The following IL21R variants were observed in gnomAD, a reference collection of about 807,000 sequenced individuals.
IL21R encodes interleukin-21 receptor.
In IL21R, 14 loss-of-function variants were observed where a neutral mutation model predicts 41.3. The observed-to-expected ratio is 0.34, with a 90% confidence interval of 0.22 to 0.53. The LOEUF (loss-of-function observed/expected upper bound fraction) is 0.53, where lower values mean the gene tolerates loss of function less well. Ranked by LOEUF, IL21R falls within the 20% of genes least tolerant of loss-of-function variation. The pLI, the probability that IL21R is intolerant of heterozygous loss-of-function variation, is 0.94. For missense variants in IL21R, 588 were observed against 681.6 expected (o/e 0.86, Z 1.53); for synonymous variants, 286 against 287.6 (o/e 0.99, Z 0.05).
At position 27,449,252 on chromosome 16, in the gene IL21R, C is replaced by A. The variant is rs2087546960; in HGVS notation, c.1586C>A (p.Pro529Gln). The A allele has an allele frequency of 2.5e-6, 4 of 1,608,636 alleles. No homozygotes were observed. The highest frequency in any genetic ancestry group is 3.4e-6 in the Non-Finnish European group (4 of 1,177,756). ...YLRQWVVIPP[P>Q]LSSPGPQAS is the part of the protein sequence containing the mutation. ...CGCCAGTGGGTGGTCATTCCTCCGC[C>A]ACTTTCGAGCCCTGGACCCCAGGCC... is the stretch of plus-strand genomic sequence containing the variant. Residue 529 changes from proline to glutamine, a missense_variant, in exon 9 of 9, where the codon CCA (proline) becomes CAA (glutamine). Pro to Gln is a moderately conservative substitution (Grantham distance 76). Transcript: ENST00000337929.
intron 1 of IL21R, among the ~76,000 whole-genome samples, chr16:27,419,865 T>C (rs1342388434): frequency 6.6e-6 from 1 of 151,166 alleles, no homozygotes; most frequent in African/African-American, 2.4e-5. Flanking sequence ...AAGCATTATG[T>C]ACAATACATA....
rs1459768453 is a variant in IL21R, at chr16:27,451,479, A to G, written c.*2196A>G. The G allele has an allele frequency of 1.9e-5, 4 of 213,898 alleles. No individual in the cohort carries two copies. Among genetic ancestry groups the G allele is most frequent in the African/African-American group, 9.1e-5 (4 of 44,164 alleles). 13.3% of individuals were successfully genotyped at this position (213,898 alleles called of 1,614,324 possible). A position where few individuals can be genotyped will look rare whatever the true frequency, so the allele number is the denominator to read the frequency against. ...ATCTCAGCACTTTGGGAGGCCAAGG[A>G]AGGTGGATCACTTGAGGCCAGGAGT... On this transcript the variant is annotated 3_prime_UTR_variant, in exon 9 of 9. Coordinates refer to ENST00000337929, the MANE Select transcript of IL21R (RefSeq NM_181078.3).
intron 1 of IL21R, among the ~76,000 whole-genome samples, chr16:27,404,166 C>T (rs372522094): frequency 1.7e-4 from 26 of 152,306 alleles, no homozygotes; most frequent in African/African-American, 5.1e-4. Context: ...CTGCTCCCCA[C>T]CGTGGGCTCA....
intron 1 of IL21R, among the ~76,000 whole-genome samples, chr16:27,414,229 T>C (rs1176750160): frequency 1.4e-5 from 2 of 145,662 alleles, no homozygotes; most frequent in African/African-American, 5.0e-5. Flanking sequence ...TATTTCTGCT[T>C]TCCTGACAGG....
At chr16:27,442,501 C>G (rs899112165) in intron 4 of IL21R, among the ~76,000 whole-genome samples, 2 of 152,100 alleles carry the variant, frequency 1.3e-5, no homozygotes, top group African/African-American at 4.8e-5. Flanking sequence ...GTAGATGGGA[C>G]TACAGGCGCC....
At chr16:27,443,193 G>C in intron 5 of IL21R, 77 bp downstream of exon 5, 1 of 1,329,250 alleles carries the variant, frequency 7.5e-7, no homozygotes, top group Non-Finnish European at 1.0e-6. Context: ...CTGGGTGGGA[G>C]AGACGGGTGA....
intron 1 of IL21R, among the ~76,000 whole-genome samples, chr16:27,420,531 G>A (rs62032070): frequency 0.043 from 6,557 of 152,278 alleles, 153 homozygotes; most frequent in Non-Finnish European, 0.055. Context: ...ATCTCATTAT[G>A]TTCTTGATTT....
intron 8 of IL21R, 106 bp downstream of exon 8, chr16:27,446,194 C>T (rs2087475920): frequency 1.2e-6 from 1 of 818,646 alleles, no homozygotes; most frequent in Admixed American, 2.7e-5. Flanking sequence ...AGGCCTAGAG[C>T]ATCCAGGTCT....
At chr16:27,438,411 G>GT (rs1396741665) in intron 4 of IL21R, among the ~76,000 whole-genome samples, 8 of 152,168 alleles carry the variant, frequency 5.3e-5, no homozygotes, top group African/African-American at 1.9e-4. Flanking sequence ...GGTGGGAGCA[G>GT]TTTTATCTGT....
At position 27,437,354 on chromosome 16, in the gene IL21R, C is replaced by A. The variant is rs189378215; in HGVS notation, c.153-134C>A. On this transcript the variant is annotated intron_variant, in intron 3 of 8. Coordinates refer to ENST00000337929, the MANE Select transcript of IL21R (RefSeq NM_181078.3). ...GGAAAAGGTTGGTTGGACCAGGTGA[C>A]CACCCCCCAGCCCTGCCTCAAATCC... 3.8e-4 allele frequency: 261 copies of A among 694,710 alleles called. 1 individual carries two copies. The East Asian group carries it at 6.8e-3, about 18-fold the overall frequency. 43.0% of individuals were successfully genotyped at this position (694,710 alleles called of 1,614,324 possible).
At chr16:27,442,027 C>T (rs1213930340) in intron 4 of IL21R, among the ~76,000 whole-genome samples, 2 of 152,180 alleles carry the variant, frequency 1.3e-5, no homozygotes, top group Non-Finnish European at 2.9e-5. Flanking sequence ...GGAAAAAACC[C>T]TTGGAGATTT....
chr16:27,437,414 C>T (rs2087289790), intron 3 of IL21R, 74 bp from the exon 4 acceptor site: 3 of 1,232,064 alleles, frequency 2.4e-6, no homozygotes, highest in Non-Finnish European at 2.4e-6. Flanking sequence ...TCTGCCCTGG[C>T]CCTGAGCACT....
chr16:27,433,848 C>T (rs2087217665), intron 2 of IL21R, among the ~76,000 whole-genome samples: 1 of 152,076 alleles, frequency 6.6e-6, no homozygotes, highest in Non-Finnish European at 1.5e-5. Context: ...CCTGTGGATC[C>T]AACTTCTGTA....
chr16:27,443,443 A>C (rs2087426100), intron 5 of IL21R, among the ~76,000 whole-genome samples: 1 of 152,136 alleles, frequency 6.6e-6, no homozygotes, highest in Non-Finnish European at 1.5e-5. Context: ...GAAGCTTCCC[A>C]ATTGCTTAGA....
chr16:27,413,446 G>C (rs2086849527), intron 1 of IL21R, among the ~76,000 whole-genome samples: 1 of 152,014 alleles, frequency 6.6e-6, no homozygotes, highest in Admixed American at 6.5e-5. Context: ...TCTGGCTTTG[G>C]TACTGGGGCA....
At chr16:27,427,649 G>A (rs971496726) in intron 1 of IL21R, among the ~76,000 whole-genome samples, 1 of 152,164 alleles carries the variant, frequency 6.6e-6, no homozygotes, top group African/African-American at 2.4e-5. Context: ...CTGGGCAAAG[G>A]AGTTTGCACT....
chr16:27,437,569 C>T lies in IL21R; in HGVS notation c.234C>T (p.Thr78=). ...HRSAHNATHA[T]YTCHMDVFHF... ...CGGCCCACAATGCCACGCATGCCAC[C>T]TACACCTGCCACATGGATGTATTCC... The change falls in exon 4 of 9, where the codon ACC becomes ACT. Residue 78 remains threonine, a synonymous_variant. Transcript: ENST00000337929. The T allele has an allele frequency of 6.2e-7, 1 of 1,614,222 alleles. No homozygotes were observed. Among genetic ancestry groups the T allele is most frequent in the Non-Finnish European group, 8.5e-7 (1 of 1,180,016 alleles).
chr16:27,429,443 C>G (rs986086778), intron 1 of IL21R, among the ~76,000 whole-genome samples: 1 of 152,054 alleles, frequency 6.6e-6, no homozygotes, highest in African/African-American at 2.4e-5. Flanking sequence ...ATAGGCTCAG[C>G]AAGGGCAAAA....
rs1190694736 is a variant in IL21R, at chr16:27,451,434, C to T, written c.*2151C>T. 4.1e-5 allele frequency: 9 copies of T among 220,056 alleles called. No homozygotes were observed. Among genetic ancestry groups the T allele is most frequent in the Middle Eastern group, 1.4e-3 (1 of 738 alleles). 13.6% of individuals were successfully genotyped at this position (220,056 alleles called of 1,614,324 possible). ...AGAGGAGCAAAGTTGGAGGGCCGGG[C>T]GTAGTGGCTCACACCTGTGATCTCA... On this transcript the variant is annotated 3_prime_UTR_variant, in exon 9 of 9. Transcript: ENST00000337929.
Sources: allele counts gnomAD v4.1 joint callset (sites outside exome capture counted in the v4.1 genomes callset), GRCh38; gene constraint gnomAD v4.1.1; transcripts MANE v1.5; gene names NCBI Gene and HGNC (gene_info 2026-07-23, HGNC 2026-07-21).